The following TAGLN2 variants were observed in gnomAD, a reference collection of about 807,000 sequenced individuals.
TAGLN2 encodes transgelin 2, also known as transgelin-2.
A neutral mutation model predicts 24.9 loss-of-function variants in TAGLN2; 14 were observed. The observed-to-expected ratio is 0.56, with a 90% CI of 0.37 to 0.88. TAGLN2 has a LOEUF of 0.88. Ranked by LOEUF, TAGLN2 falls within the 40% of genes least tolerant of loss-of-function variation. The pLI, the probability that TAGLN2 is intolerant of heterozygous loss-of-function variation, is 0.00. For synonymous variants in TAGLN2, 77 were observed against 98.2 expected, an observed-to-expected ratio of 0.78 and a Z score of 1.28; for missense variants, 208 against 258.9, an observed-to-expected ratio of 0.80 and a Z score of 1.35.
At chr1:159,919,416 C>G (rs1650450274) in intron 3 of TAGLN2, 40 bp from the exon 4 acceptor site, 2 of 1,596,720 alleles carry the variant, frequency 1.3e-6, no homozygotes, top group Non-Finnish European at 1.7e-6. Flanking sequence ...TCCGCAGTGT[C>G]CTAGATACCA....
rs762296361 is a variant in TAGLN2, at chr1:159,918,854, G to A, written c.546C>T (p.Arg182=). 3.8e-5 allele frequency: 62 copies of A among 1,614,104 alleles called. No homozygotes were observed. The highest frequency in any genetic ancestry group is 4.2e-5 in the Non-Finnish European group (49 of 1,180,034). The change falls in exon 5 of 5, where the codon CGC becomes CGT. Residue 182 remains arginine (R), a synonymous_variant. Coordinates refer to ENST00000368097, the MANE Select transcript of TAGLN2 (RefSeq NM_003564.3). ...CAGTCATGCCTGCCTGAGACGCCCC[G>A]CGGTTGGTGCCCATCTGTAACCCGA... ...NVIGLQMGTN[R]GASQAGMTGY...
intron 1 of TAGLN2, chr1:159,923,692 C>CTTTTTT: frequency 2.2e-6 from 1 of 463,118 alleles, no homozygotes; most frequent in Non-Finnish European, 3.8e-6. Context: ...TTAAGGGAAC[C>CTTTTTT]ACCGTAGGGC....
At chr1:159,922,912 C>A (rs778919334) in intron 1 of TAGLN2, among the ~76,000 whole-genome samples, 3 of 152,248 alleles carry the variant, frequency 2.0e-5, no homozygotes, top group Non-Finnish European at 4.4e-5. Flanking sequence ...CTGGACACAG[C>A]TGGCAGGGTC....
intron 1 of TAGLN2, chr1:159,923,562 A>T: frequency 1.5e-6 from 2 of 1,349,000 alleles, no homozygotes; most frequent in Non-Finnish European, 2.0e-6. Context: ...GATGGAACAC[A>T]GGAGAACTTC....
Position 159,919,648 on chromosome 1 carries a change from C to T in TAGLN2, c.355+13G>A, listed in dbSNP as rs750246062. The T allele has an allele frequency of 4.3e-6, 7 of 1,610,570 alleles. No homozygotes were observed. Among genetic ancestry groups the T allele is most frequent in the Non-Finnish European group, 5.9e-6 (7 of 1,178,610 alleles). On this transcript the variant is annotated intron_variant, in intron 3 of 4. Coordinates refer to ENST00000368097, the MANE Select transcript of TAGLN2 (RefSeq NM_003564.3). ...TCCTGGATGACAGGACCCAGCCCCT[C>T]GCCCTGTCCCACCTTCCCAGAGGTC... is the stretch of plus-strand genomic sequence containing the variant.
intron 4 of TAGLN2, 22 bp downstream of exon 4, chr1:159,919,252 C>T (rs186010726): frequency 8.7e-6 from 14 of 1,602,268 alleles, no homozygotes; most frequent in East Asian, 6.7e-5. Context: ...CTGGACCCTG[C>T]GGCTGTCCCA....
Position 159,922,939 on chromosome 1 carries a change from G to C in TAGLN2, c.-28-2402C>G, listed in dbSNP as rs144507810. Among the ~76,000 whole-genome samples, 1,286 of 152,360 alleles carry C rather than the reference G, an allele frequency of 8.4e-3. 18 individuals carry two copies. Among genetic ancestry groups the C allele is most frequent in the African/African-American group, 0.029 (1,223 of 41,578 alleles). On this transcript the variant is annotated intron_variant, in intron 1 of 4. Transcript: ENST00000368097. ...GGCAGGGTCACGGCCTCCAGCTGCA[G>C]TGTATCTGCTCCACTCTGGGGCCAT...
intron 1 of TAGLN2, chr1:159,925,194 G>C (rs1290887313): frequency 1.3e-5 from 2 of 152,156 alleles, no homozygotes; most frequent in Non-Finnish European, 2.9e-5. Flanking sequence ...GTGGGGCTCA[G>C]TCCCTGAGTC....
chr1:159,920,056 A>G (rs1432260735), intron 2 of TAGLN2: 1 of 755,784 alleles, frequency 1.3e-6, no homozygotes, highest in Admixed American at 2.0e-5. Flanking sequence ...CCTTGCTAAT[A>G]TACCCTCCCA....
intron 1 of TAGLN2, among the ~76,000 whole-genome samples, chr1:159,924,709 C>G (rs953038836): frequency 1.3e-5 from 2 of 152,102 alleles, no homozygotes; most frequent in Admixed American, 6.5e-5. Context: ...CGCCCGCGGC[C>G]ACCACCGGCT....
At chr1:159,920,636 C>A in intron 1 of TAGLN2, 99 bp from the exon 2 acceptor site, 3 of 1,487,968 alleles carry the variant, frequency 2.0e-6, no homozygotes, top group East Asian at 2.5e-5. Flanking sequence ...CCATTTCCCC[C>A]ACGGTGAGCC....
intron 1 of TAGLN2, chr1:159,924,667 G>A (rs1650646223): frequency 1.3e-5 from 2 of 152,202 alleles, no homozygotes; most frequent in Admixed American, 6.5e-5. Context: ...CCGCCGCTGG[G>A]GTGACGCAGT....
chr1:159,920,089 C>G (rs774270396), intron 2 of TAGLN2: 26 of 773,220 alleles, frequency 3.4e-5, no homozygotes, highest in South Asian at 1.5e-4. Flanking sequence ...TAGAGACATT[C>G]TTCCTCAGTG....
rs1650425849 is a variant in TAGLN2 at position 159,918,823 on chromosome 1, C to T, written c.577G>A (p.Gly193Arg). 5.6e-6 allele frequency: 9 copies of T among 1,614,186 alleles called. No homozygotes were observed. Among genetic ancestry groups the T allele is most frequent in the East Asian group, 2.2e-5 (1 of 44,890 alleles). ...GATCAGAGGATCTGGCGTGGCATCC[C>T]GTAGCCAGTCATGCCTGCCTGAGAC... The part of the protein sequence containing the change: ...GASQAGMTGY[G>R]MPRQIL Residue 193 changes from glycine to arginine, a missense_variant, in exon 5 of 5, where the codon GGG (glycine) becomes AGG (arginine). Gly to Arg is a moderately radical substitution (Grantham distance 125). Coordinates refer to ENST00000368097, the MANE Select transcript of TAGLN2 (RefSeq NM_003564.3).
At chr1:159,923,706 C>T (rs1650610228) in intron 1 of TAGLN2, 1 of 425,202 alleles carries the variant, frequency 2.4e-6, no homozygotes, top group Non-Finnish European at 4.2e-6. Context: ...GTAGGGCAGC[C>T]CCTCACCACC....
chr1:159,920,471 C>T lies in TAGLN2; in HGVS notation c.39G>A (p.Glu13=). The T allele has an allele frequency of 6.2e-7, 1 of 1,614,262 alleles. No individual in the cohort carries two copies. Among genetic ancestry groups the T allele is most frequent in the Non-Finnish European group, 8.5e-7 (1 of 1,180,050 alleles). Residue 13 remains glutamate, a synonymous_variant, in exon 2 of 5, where the codon GAG becomes GAA. Coordinates refer to ENST00000368097, the MANE Select transcript of TAGLN2 (RefSeq NM_003564.3). ...NRGPAYGLSR[E]VQQKIEKQYD... ...ATTGTTTCTCAATCTTCTGCTGCAC[C>T]TCCCGGCTCAGGCCATATGCAGGTC...
chr1:159,924,340 G>T (rs1219275855), intron 1 of TAGLN2, among the ~76,000 whole-genome samples: 1 of 152,146 alleles, frequency 6.6e-6, no homozygotes, highest in African/African-American at 2.4e-5. Context: ...CTGGGAGGGG[G>T]CTAGAGATAG....
At chr1:159,922,358 A>T (rs906733680) in intron 1 of TAGLN2, among the ~76,000 whole-genome samples, 2 of 152,068 alleles carry the variant, frequency 1.3e-5, no homozygotes, top group Admixed American at 1.3e-4. Flanking sequence ...CGCCCCCTCC[A>T]CTTCCCCCAG....
At position 159,922,357 on chromosome 1, in the gene TAGLN2, C is replaced by T. The variant is rs1650558939; in HGVS notation, c.-28-1820G>A. On this transcript the variant is annotated intron_variant, in intron 1 of 4. Transcript: ENST00000368097. Reference sequence around the variant, plus strand: ...CTCATTAAGAGCAACCCGCCCCCTCCACTTCCCCCAGCCCGAAAGCTGGGC... The same window carrying T: ...CTCATTAAGAGCAACCCGCCCCCTCTACTTCCCCCAGCCCGAAAGCTGGGC... 2.0e-5 allele frequency among the ~76,000 whole-genome samples: 3 copies of T among 152,214 alleles called. 1 individual carries two copies. The South Asian group carries it at 6.2e-4, about 32-fold the overall frequency.
Sources: allele counts gnomAD v4.1 joint callset (sites outside exome capture counted in the v4.1 genomes callset), GRCh38; gene constraint gnomAD v4.1.1; transcripts MANE v1.5; gene names NCBI Gene and HGNC (gene_info 2026-07-23, HGNC 2026-07-21).